The following AKNA variants were observed in gnomAD, a reference collection of about 807,000 sequenced individuals.
The protein encoded by AKNA is AT-hook transcription factor.
In AKNA, 67 loss-of-function variants were observed where a neutral mutation model predicts 138.8. That is an observed-to-expected ratio of 0.48 (90% CI 0.40 to 0.59). The LOEUF is 0.59. Ranked by LOEUF, AKNA falls within the 20% of genes least tolerant of loss-of-function variation. The pLI is 0.00. For missense variants in AKNA, 1,813 were observed against 1,880.4 expected, an observed-to-expected ratio of 0.96 and a Z score of 0.66; for synonymous variants, 737 against 754.4, an observed-to-expected ratio of 0.98 and a Z score of 0.38.
intron 15 of AKNA, among the ~76,000 whole-genome samples, chr9:114,348,522 G>A (rs1361382090): frequency 6.6e-6 from 1 of 152,208 alleles, no homozygotes; most frequent in African/African-American, 2.4e-5. Flanking sequence ...GAGACACCTC[G>A]ATGCTTCCTA....
chr9:114,358,328 G>A (rs1415076327), intron 11 of AKNA, 161 bp from the exon 12 acceptor site: 26 of 900,412 alleles, frequency 2.9e-5, no homozygotes, highest in Admixed American at 6.3e-5. Flanking sequence ...GTGACCTAGG[G>A]CAAGGCACTT....
At chr9:114,348,656 C>T (rs934264541) in intron 15 of AKNA, among the ~76,000 whole-genome samples, 1 of 152,220 alleles carries the variant, frequency 6.6e-6, no homozygotes, top group Admixed American at 6.5e-5. Flanking sequence ...GGGAGTAAAT[C>T]CTGTCTGTGT....
At chr9:114,394,948 G>A (rs1834482797), upstream of AKNA, among the ~76,000 whole-genome samples, 1 of 152,198 alleles carries the variant, frequency 6.6e-6, no homozygotes, top group South Asian at 2.1e-4. Flanking sequence ...AAGCTGAGCT[G>A]GCAGTGGGGG....
upstream of AKNA, among the ~76,000 whole-genome samples, chr9:114,390,159 A>G (rs1351018247): frequency 6.6e-6 from 1 of 152,148 alleles, no homozygotes; most frequent in Admixed American, 6.5e-5. Context: ...TCTCAGGGGC[A>G]GCCACCTAAC....
upstream of AKNA, chr9:114,394,548 A>G (rs962886386): frequency 2.0e-5 from 3 of 152,230 alleles, no homozygotes; most frequent in Non-Finnish European, 4.4e-5. Flanking sequence ...CAATACAGCC[A>G]TTATGCAACA....
intron 3 of AKNA, among the ~76,000 whole-genome samples, chr9:114,375,137 T>C (rs1833076535): frequency 6.6e-6 from 1 of 152,028 alleles, no homozygotes; most frequent in Non-Finnish European, 1.5e-5. Context: ...GGAAGGGAAA[T>C]GGTCATGTTT....
chr9:114,360,014 C>T lies in AKNA; in HGVS notation c.2173G>A (p.Val725Ile), dbSNP rs538104865. The change falls in exon 10 of 22, where the codon GTA becomes ATA. Residue 725 changes from valine to isoleucine, a missense_variant. Physicochemically the swap from Val to Ile is conservative, Grantham distance 29. Transcript: ENST00000374088. ...TTGCCAGAGCTCACCTCCACATTTA[C>T]GTGCAATGGGCAGGGGCCAGTGCTG... is the stretch of plus-strand genomic sequence containing the variant. ...AASTGPCPLHVNVEVSSGNSE... is the reference protein window; with the variant it reads ...AASTGPCPLHINVEVSSGNSE... 3.8e-5 allele frequency: 62 copies of T among 1,614,250 alleles called. 1 individual carries two copies. The South Asian group carries it at 5.6e-4, about 15-fold the overall frequency.
intron 1 of AKNA, among the ~76,000 whole-genome samples, chr9:114,384,606 A>T (rs1833906428): frequency 6.6e-6 from 1 of 152,166 alleles, no homozygotes; most frequent in African/African-American, 2.4e-5. Context: ...CCACTTAATG[A>T]AAGTAAGTAG....
chr9:114,373,295 G>A (rs1003899632), intron 4 of AKNA, among the ~76,000 whole-genome samples: 1 of 152,330 alleles, frequency 6.6e-6, no homozygotes, highest in East Asian at 1.9e-4. Flanking sequence ...CGGGGTGGGG[G>A]CTGGGGTGGT....
In AKNA at chr9:114,356,982, G is replaced by C; in HGVS notation, c.2740-13C>G. 6.3e-7 allele frequency: 1 copy of C among 1,578,434 alleles called. No individual in the cohort carries two copies. The highest frequency in any genetic ancestry group is 8.6e-7 in the Non-Finnish European group (1 of 1,165,440). ...CCATCCAGGTCTCCTGAAAGAGGCA[G>C]TATCCCTTTATGTCTGAGGAATGTG... On this transcript the variant is annotated splice_polypyrimidine_tract_variant and intron_variant, in intron 12 of 21. Coordinates refer to ENST00000374088, the MANE Select transcript of AKNA (RefSeq NM_001317950.2).
chr9:114,347,386 A>C (rs939952606), intron 16 of AKNA, among the ~76,000 whole-genome samples: 1 of 151,860 alleles, frequency 6.6e-6, no homozygotes, highest in African/African-American at 2.4e-5. Context: ...CGCCCAGCTA[A>C]TTTTTGTGTT....
chr9:114,340,594 C>A (rs536973057), intron 21 of AKNA, among the ~76,000 whole-genome samples: 138 of 152,242 alleles, frequency 9.1e-4, no homozygotes, highest in Middle Eastern at 3.4e-3. Flanking sequence ...GGATTAAGTA[C>A]GTGGTTGAGA....
At chr9:114,357,211 G>A (rs1412863484) in intron 12 of AKNA, among the ~76,000 whole-genome samples, 1 of 151,416 alleles carries the variant, frequency 6.6e-6, no homozygotes, top group African/African-American at 2.5e-5. Flanking sequence ...GCCTCCCTGA[G>A]GGGTGGCAGC....
At chr9:114,387,200 C>T (rs1473723920) in intron 1 of AKNA, among the ~76,000 whole-genome samples, 1 of 152,182 alleles carries the variant, frequency 6.6e-6, no homozygotes, top group Non-Finnish European at 1.5e-5. Context: ...GCTGGCAGGG[C>T]ACAGACTTGC....
chr9:114,330,806 T>C (rs761553274), downstream of AKNA: 1 of 1,613,964 alleles, frequency 6.2e-7, no homozygotes, highest in East Asian at 2.2e-5. Flanking sequence ...AACCAGTGCT[T>C]CTATAACTCC....
chr9:114,370,514 G>A (rs1008193543), intron 4 of AKNA, among the ~76,000 whole-genome samples: 2 of 152,220 alleles, frequency 1.3e-5, no homozygotes, highest in Non-Finnish European at 2.9e-5. Flanking sequence ...CCCAGGCAGA[G>A]CGATGAGGTG....
chr9:114,390,788 T>C (rs1259979892), upstream of AKNA, among the ~76,000 whole-genome samples: 2 of 152,220 alleles, frequency 1.3e-5, no homozygotes, highest in Non-Finnish European at 2.9e-5. Flanking sequence ...CTGGGACAGA[T>C]GTGTCCTGCT....
At chr9:114,359,557 GA>G (rs1831768493) in intron 11 of AKNA, 36 bp downstream of exon 11, 1 of 1,613,814 alleles carries the variant, frequency 6.2e-7, no homozygotes, top group Non-Finnish European at 8.5e-7. Context: ...TTTTAGGGTG[GA>G]AACAAACATT....
chr9:114,364,580 T>C lies in AKNA; in HGVS notation c.1768A>G (p.Met590Val), dbSNP rs574380903. 2.5e-6 allele frequency: 4 copies of C among 1,613,854 alleles called. No homozygotes were observed. The highest frequency in any genetic ancestry group is 3.3e-5 in the Admixed American group (2 of 60,024). ...FERLIQAGRLMPQDQVKGFQR... is the reference protein window; with the variant it reads ...FERLIQAGRLVPQDQVKGFQR... ...AGTACCTTGACTTGGTCCTGGGGCA[T>C]GAGACGTCCTGCCTGTATCAGTCTT... Residue 590 changes from methionine to valine, a missense_variant, in exon 7 of 22, where the codon ATG becomes GTG. Transcript: ENST00000374088.
Sources: allele counts gnomAD v4.1 joint callset (sites outside exome capture counted in the v4.1 genomes callset), GRCh38; gene constraint gnomAD v4.1.1; transcripts MANE v1.5; gene names NCBI Gene and HGNC (gene_info 2026-07-23, HGNC 2026-07-21).